TMEM132D: variants seen among roughly 807,000 people sequenced by gnomAD.
TMEM132D encodes the protein transmembrane protein 132D.
Under a neutral mutation model 62.3 loss-of-function variants are expected in TMEM132D, and 21 were observed. The observed-to-expected ratio is 0.34, with a 90% CI of 0.24 to 0.49. The LOEUF (loss-of-function observed/expected upper bound fraction) is 0.49. Among genes scored for constraint, TMEM132D ranks in the 20% least tolerant of loss-of-function variants. The pLI is 0.99. For missense variants in TMEM132D, 1,346 were observed against 1,402.8 expected, an observed-to-expected ratio of 0.96 and a Z score of 0.65; for synonymous variants, 621 against 575.6, an observed-to-expected ratio of 1.08 and a Z score of -1.13.
intron 4 of TMEM132D, among the ~76,000 whole-genome samples, chr12:129,253,356 T>G (rs1880320008): frequency 6.6e-6 from 1 of 151,956 alleles, no homozygotes; most frequent in African/African-American, 2.4e-5. Context: ...GCAGACAACT[T>G]GAGGACTAGA....
chr12:129,561,972 G>A (rs912156571), intron 2 of TMEM132D, among the ~76,000 whole-genome samples: 1 of 152,136 alleles, frequency 6.6e-6, no homozygotes, highest in Non-Finnish European at 1.5e-5. Flanking sequence ...AATTCAGAGC[G>A]TTTAAGTGGA....
intron 1 of TMEM132D, among the ~76,000 whole-genome samples, chr12:129,821,996 T>C (rs1872551741): frequency 6.6e-6 from 1 of 152,154 alleles, no homozygotes; most frequent in East Asian, 1.9e-4. Flanking sequence ...GAGGATATAA[T>C]AGTGCAAAAG....
In TMEM132D at chr12:129,209,505, G is replaced by A. The variant is rs1878960670; in HGVS notation, c.1443+15C>T. 1.2e-6 allele frequency: 2 copies of A among 1,613,574 alleles called. No homozygotes were observed. Among genetic ancestry groups the A allele is most frequent in the African/African-American group, 2.7e-5 (2 of 74,876 alleles). On this transcript the variant is annotated intron_variant, in intron 5 of 8. Transcript: ENST00000422113. ...GACAGCAGGTTTCTGCAGGGGCGGGGAGGTGTCAACTTGCCTTAATCACGT... is the reference window on the plus strand; with the variant it reads ...GACAGCAGGTTTCTGCAGGGGCGGGAAGGTGTCAACTTGCCTTAATCACGT...
At chr12:129,160,233 T>C (rs569226537) in intron 5 of TMEM132D, among the ~76,000 whole-genome samples, 1 of 152,332 alleles carries the variant, frequency 6.6e-6, no homozygotes, top group South Asian at 2.1e-4. Flanking sequence ...TTTCACAGAA[T>C]TCAATTCACA....
chr12:129,864,103 A>G (rs922849308), intron 1 of TMEM132D, among the ~76,000 whole-genome samples: 1 of 151,932 alleles, frequency 6.6e-6, no homozygotes, highest in African/African-American at 2.4e-5. Flanking sequence ...AAGCACTGCC[A>G]CTCCTATCTT....
At chr12:129,411,310 T>C (rs1871961087) in intron 3 of TMEM132D, among the ~76,000 whole-genome samples, 1 of 152,202 alleles carries the variant, frequency 6.6e-6, no homozygotes, top group Non-Finnish European at 1.5e-5. Flanking sequence ...GTTATGTTCC[T>C]GACTTTAGTA....
At chr12:129,431,084 T>A (rs943446382) in intron 3 of TMEM132D, among the ~76,000 whole-genome samples, 1 of 152,236 alleles carries the variant, frequency 6.6e-6, no homozygotes, top group Non-Finnish European at 1.5e-5. Context: ...CTTCCAGGAA[T>A]GGAGAAGAGA....
chr12:129,421,602 T>C (rs949647320), intron 3 of TMEM132D, among the ~76,000 whole-genome samples: 1 of 152,242 alleles, frequency 6.6e-6, no homozygotes, highest in Non-Finnish European at 1.5e-5. Context: ...TTAAGAAACC[T>C]GAATCAATAG....
intron 1 of TMEM132D, among the ~76,000 whole-genome samples, chr12:129,900,878 C>T (rs1005394054): frequency 6.6e-6 from 1 of 152,098 alleles, no homozygotes; most frequent in African/African-American, 2.4e-5. Flanking sequence ...TTCCTAGGTC[C>T]CAGGGGCATA....
At chr12:129,395,968 T>C (rs1397760126) in intron 3 of TMEM132D, among the ~76,000 whole-genome samples, 1 of 146,696 alleles carries the variant, frequency 6.8e-6, no homozygotes, top group Non-Finnish European at 1.5e-5. Flanking sequence ...ATATAATATA[T>C]ATCATATAAA....
At chr12:129,260,875 A>G (rs960708087) in intron 4 of TMEM132D, among the ~76,000 whole-genome samples, 16 of 152,230 alleles carry the variant, frequency 1.1e-4, no homozygotes, top group African/African-American at 3.1e-4. Flanking sequence ...ATAGTATTCA[A>G]TGGTGTATAT....
At chr12:129,523,039 A>T (rs1875900855) in intron 3 of TMEM132D, among the ~76,000 whole-genome samples, 1 of 152,152 alleles carries the variant, frequency 6.6e-6, no homozygotes, top group Non-Finnish European at 1.5e-5. Context: ...TTTTCTCTGT[A>T]GGACTGCTAC....
chr12:129,119,710 AC>A (rs1875999957), intron 5 of TMEM132D, among the ~76,000 whole-genome samples: 1 of 152,208 alleles, frequency 6.6e-6, no homozygotes, highest in South Asian at 2.1e-4. Flanking sequence ...TCTGATGAGC[AC>A]CTCAGGGGAG....
chr12:129,860,939 C>T (rs1043630234), intron 1 of TMEM132D, among the ~76,000 whole-genome samples: 1 of 152,128 alleles, frequency 6.6e-6, no homozygotes, highest in Non-Finnish European at 1.5e-5. Flanking sequence ...ACACCTAGTC[C>T]CGCCCATGAC....
At chr12:129,664,421 A>AATT (rs1880320529) in intron 2 of TMEM132D, among the ~76,000 whole-genome samples, 2 of 114,240 alleles carry the variant, frequency 1.8e-5, no homozygotes, top group South Asian at 3.1e-4. Context: ...AATTACAAGA[A>AATT]TTTTTTTTTT....
chr12:129,314,436 T>C (rs1172818707), intron 4 of TMEM132D, among the ~76,000 whole-genome samples: 2 of 152,180 alleles, frequency 1.3e-5, no homozygotes, highest in Non-Finnish European at 2.9e-5. Context: ...AGTATTTGGG[T>C]TTATTTCTGG....
chr12:129,075,141 G>A (rs548384724), intron 8 of TMEM132D, 82 bp from the exon 9 acceptor site: 37 of 1,112,318 alleles, frequency 3.3e-5, no homozygotes, highest in African/African-American at 2.7e-4. Flanking sequence ...GACACACAAC[G>A]GCAAAACTAT....
chr12:129,217,025 C>A (rs1879224894), intron 4 of TMEM132D, among the ~76,000 whole-genome samples: 1 of 151,882 alleles, frequency 6.6e-6, no homozygotes, highest in Admixed American at 6.6e-5. Context: ...TCTTTTTTGT[C>A]CCTAAAGTTA....
intron 2 of TMEM132D, among the ~76,000 whole-genome samples, chr12:129,641,583 C>A (rs1483699188): frequency 6.6e-6 from 1 of 152,168 alleles, no homozygotes; most frequent in African/African-American, 2.4e-5. Flanking sequence ...TCCAAAAAGC[C>A]TTCCAGAGAC....
Sources: gnomAD v4.1 joint callset for allele counts (sites outside exome capture counted in the v4.1 genomes callset) on GRCh38, gnomAD v4.1.1 for gene constraint, MANE v1.5 for transcripts, NCBI Gene and HGNC (gene_info 2026-07-23, HGNC 2026-07-21) for gene names.